Variants in MAP4K5 observed in about 807,000 individuals in gnomAD.
MAP4K5 encodes the protein MAPK/ERK kinase kinase kinase 5.
MAP4K5 carries 82 observed loss-of-function variants against 135.6 expected under a neutral mutation model. The observed-to-expected ratio is 0.60, with a 90% CI of 0.51 to 0.73. The LOEUF (loss-of-function observed/expected upper bound fraction) is 0.73, where lower values mean the gene tolerates loss of function less well. Among genes scored for constraint, MAP4K5 ranks in the 30% least tolerant of loss-of-function variants. The pLI, the probability that MAP4K5 is intolerant of heterozygous loss-of-function variation, is 0.00. For synonymous variants in MAP4K5, 347 were observed against 335.0 expected (o/e 1.04, Z -0.39); for missense variants, 907 against 1,010.9 (o/e 0.90, Z 1.39).
chr14:50,541,601 A>G (rs1012612499), intron 2 of MAP4K5, among the ~76,000 whole-genome samples: 3 of 152,204 alleles, frequency 2.0e-5, no homozygotes, highest in African/African-American at 7.2e-5. Context: ...GAAGGCTATG[A>G]TGCAAGCTGC....
intron 3 of MAP4K5, among the ~76,000 whole-genome samples, chr14:50,489,202 G>A (rs1566674522): frequency 2.0e-5 from 3 of 152,100 alleles, no homozygotes; most frequent in Non-Finnish European, 4.4e-5. Context: ...AAAATAATAA[G>A]CTAGGCATGG....
intron 1 of MAP4K5, among the ~76,000 whole-genome samples, chr14:50,548,062 G>C (rs556280868): frequency 6.6e-6 from 1 of 152,210 alleles, no homozygotes; most frequent in African/African-American, 2.4e-5. Context: ...ATGGCCTAAA[G>C]AACAGGGGAT....
At chr14:50,443,840 A>C in intron 19 of MAP4K5, 70 bp from the exon 20 acceptor site, 1 of 1,488,350 alleles carries the variant, frequency 6.7e-7, no homozygotes. Context: ...GACATTTAGA[A>C]CTTCTGTTAC....
intron 3 of MAP4K5, among the ~76,000 whole-genome samples, chr14:50,500,953 C>T (rs1315278819): frequency 6.6e-6 from 1 of 152,096 alleles, no homozygotes; most frequent in African/African-American, 2.4e-5. Flanking sequence ...GATAATATGA[C>T]TTAGCCTATT....
At chr14:50,439,154 T>C (rs1461396530) in intron 23 of MAP4K5, among the ~76,000 whole-genome samples, 1 of 151,846 alleles carries the variant, frequency 6.6e-6, no homozygotes, top group Non-Finnish European at 1.5e-5. Flanking sequence ...AATCAAATAA[T>C]ATGCTCTCCA....
At chr14:50,540,005 C>G (rs1423365120) in intron 2 of MAP4K5, among the ~76,000 whole-genome samples, 5 of 152,068 alleles carry the variant, frequency 3.3e-5, no homozygotes, top group African/African-American at 1.2e-4. Flanking sequence ...TTACTCTTTT[C>G]AAGGCATTGA....
chr14:50,433,434 G>A (rs2036019699), intron 28 of MAP4K5, among the ~76,000 whole-genome samples: 1 of 152,180 alleles, frequency 6.6e-6, no homozygotes, highest in Non-Finnish European at 1.5e-5. Context: ...CATGGGTGGA[G>A]TATTTGTACC....
chr14:50,519,341 A>C (rs1331588209), intron 2 of MAP4K5, among the ~76,000 whole-genome samples: 2 of 152,124 alleles, frequency 1.3e-5, no homozygotes, highest in East Asian at 1.9e-4. Flanking sequence ...GTAATTTTTC[A>C]TTCCTATATA....
At chr14:50,547,971 CTG>C (rs2038654905) in intron 1 of MAP4K5, among the ~76,000 whole-genome samples, 8 of 152,162 alleles carry the variant, frequency 5.3e-5, no homozygotes, top group Admixed American at 5.2e-4. Context: ...GCCTCAGTCT[CTG>C]TGTTTCACTG....
chr14:50,427,587 C>T (rs1185232567), intron 30 of MAP4K5, among the ~76,000 whole-genome samples: 1 of 151,922 alleles, frequency 6.6e-6, no homozygotes, highest in Non-Finnish European at 1.5e-5. Flanking sequence ...TTTTTTATGG[C>T]CCAAATAAAA....
At chr14:50,499,825 A>G (rs2037670706) in intron 3 of MAP4K5, among the ~76,000 whole-genome samples, 1 of 152,212 alleles carries the variant, frequency 6.6e-6, no homozygotes, top group Non-Finnish European at 1.5e-5. Context: ...AATCTGTAGA[A>G]AATTATTGAG....
intron 2 of MAP4K5, among the ~76,000 whole-genome samples, chr14:50,508,909 C>T (rs949578003): frequency 2.0e-5 from 3 of 152,038 alleles, no homozygotes; most frequent in Admixed American, 2.0e-4. Context: ...ATAAGTTATG[C>T]TACTATAAAG....
intron 3 of MAP4K5, among the ~76,000 whole-genome samples, chr14:50,494,232 A>C (rs959435200): frequency 3.3e-5 from 5 of 151,804 alleles, no homozygotes; most frequent in African/African-American, 1.2e-4. Flanking sequence ...CAGTGGCACA[A>C]TCTCAACTCA....
chr14:50,424,432 C>T lies in MAP4K5; in HGVS notation c.2398-1256G>A, dbSNP rs115533611. Among the ~76,000 whole-genome samples, 562 of 152,010 alleles carry T rather than the reference C, an allele frequency of 3.7e-3. 6 individuals carry two copies. The highest frequency in any genetic ancestry group is 0.013 in the African/African-American group (543 of 41,492). On this transcript the variant is annotated intron_variant, in intron 31 of 32. Coordinates refer to ENST00000682126, the MANE Select transcript of MAP4K5 (RefSeq NM_006575.6). ...TAATCAAGACGAATTAAAAATAGGC[C>T]GGGTGTGGGGCTCACATCTGTAATC...
chr14:50,465,751 A>G (rs1407765276), intron 11 of MAP4K5, among the ~76,000 whole-genome samples: 2 of 152,156 alleles, frequency 1.3e-5, no homozygotes, highest in Non-Finnish European at 2.9e-5. Flanking sequence ...AAGACCTAAG[A>G]AAATTATTGA....
intron 28 of MAP4K5, among the ~76,000 whole-genome samples, chr14:50,431,291 T>C (rs771969410): frequency 6.6e-6 from 1 of 152,194 alleles, no homozygotes; most frequent in African/African-American, 2.4e-5. Context: ...TTAGGGTACA[T>C]GTGCACAATG....
chr14:50,485,841 G>C (rs1353862920), intron 4 of MAP4K5, 199 bp from the exon 5 acceptor site: 1 of 546,682 alleles, frequency 1.8e-6, no homozygotes. Context: ...TTTAGAATAT[G>C]ATCAGTTTTG....
At chr14:50,531,008 G>A (rs1240929161) in intron 2 of MAP4K5, among the ~76,000 whole-genome samples, 1 of 152,150 alleles carries the variant, frequency 6.6e-6, no homozygotes, top group Non-Finnish European at 1.5e-5. Context: ...GGCACAATGC[G>A]ATATATATCA....
intron 29 of MAP4K5, 113 bp downstream of exon 29, chr14:50,429,076 CATG>C (rs1372436480): frequency 1.4e-5 from 9 of 660,218 alleles, no homozygotes; most frequent in East Asian, 2.9e-5. Context: ...ACAAATTACA[CATG>C]ATAAGTAACA....
Sources: gnomAD v4.1 joint callset for allele counts (sites outside exome capture counted in the v4.1 genomes callset) on GRCh38, gnomAD v4.1.1 for gene constraint, MANE v1.5 for transcripts, NCBI Gene and HGNC (gene_info 2026-07-23, HGNC 2026-07-21) for gene names.